SPOP: variants seen among roughly 807,000 people sequenced by gnomAD.
The protein encoded by SPOP is speckle type BTB/POZ protein.
Under a neutral mutation model 45.6 loss-of-function variants are expected in SPOP, and 11 were observed. The ratio of observed to expected loss-of-function variants is 0.24; its 90% CI spans 0.15 to 0.40. The LOEUF (loss-of-function observed/expected upper bound fraction) is 0.40, where lower values mean the gene tolerates loss of function less well. SPOP is among the 10% of genes least tolerant of loss of function. The pLI is 1.00. For synonymous variants in SPOP, 166 were observed against 166.3 expected (o/e 1.00, Z 0.01); for missense variants, 152 against 465.6 (o/e 0.33, Z 6.20).
chr17:49,673,666 G>GA (rs2073165746), intron 1 of SPOP, among the ~76,000 whole-genome samples: 1 of 151,816 alleles, frequency 6.6e-6, no homozygotes, highest in Admixed American at 6.6e-5. Context: ...ACCATTATAC[G>GA]AAAAAAGAAA....
intron 1 of SPOP, among the ~76,000 whole-genome samples, chr17:49,670,139 G>C (rs768467537): frequency 3.3e-5 from 5 of 152,220 alleles, no homozygotes; most frequent in Non-Finnish European, 4.4e-5. Context: ...CTCTGTCATA[G>C]AGTACCTAGG....
intron 8 of SPOP, among the ~76,000 whole-genome samples, chr17:49,605,055 A>C (rs549368913): frequency 1.3e-5 from 2 of 152,136 alleles, no homozygotes; most frequent in Non-Finnish European, 2.9e-5. Flanking sequence ...CACCAACCTA[A>C]TATCTGTTGA....
chr17:49,645,914 CT>C (rs1449515278), intron 1 of SPOP, among the ~76,000 whole-genome samples: 1 of 151,604 alleles, frequency 6.6e-6, no homozygotes, highest in Admixed American at 6.6e-5. Context: ...CCAACAGTTG[CT>C]TTCAACTGCT....
chr17:49,654,668 C>T (rs2072884530), intron 1 of SPOP, among the ~76,000 whole-genome samples: 1 of 152,048 alleles, frequency 6.6e-6, no homozygotes. Flanking sequence ...GCCTGTAGTC[C>T]CAGCTACTCA....
intron 1 of SPOP, among the ~76,000 whole-genome samples, chr17:49,644,067 T>C (rs781130913): frequency 2.7e-5 from 4 of 148,462 alleles, no homozygotes; most frequent in Non-Finnish European, 6.0e-5. Context: ...AAATGCAAAA[T>C]ATTAAAATAC....
chr17:49,631,426 T>C (rs1454447040), intron 1 of SPOP, among the ~76,000 whole-genome samples: 4 of 152,206 alleles, frequency 2.6e-5, no homozygotes, highest in Non-Finnish European at 5.9e-5. Flanking sequence ...TGGGAAGAAG[T>C]CCCACTGTAT....
At chr17:49,630,798 C>T (rs1184181070) in intron 1 of SPOP, among the ~76,000 whole-genome samples, 2 of 152,026 alleles carry the variant, frequency 1.3e-5, no homozygotes, top group Non-Finnish European at 2.9e-5. Flanking sequence ...GGGGGATTAC[C>T]GATACCAAGT....
chr17:49,637,081 T>C (rs2072555349), intron 1 of SPOP, among the ~76,000 whole-genome samples: 1 of 151,992 alleles, frequency 6.6e-6, no homozygotes, highest in African/African-American at 2.4e-5. Context: ...GGCATGGTGG[T>C]GCACGACTGT....
chr17:49,606,111 T>A (rs1034733464), intron 8 of SPOP, among the ~76,000 whole-genome samples: 1 of 152,148 alleles, frequency 6.6e-6, no homozygotes, highest in African/African-American at 2.4e-5. Context: ...ATATAAATGC[T>A]ATGTAAATAG....
At chr17:49,664,845 C>T (rs911791225) in intron 1 of SPOP, among the ~76,000 whole-genome samples, 3 of 152,174 alleles carry the variant, frequency 2.0e-5, no homozygotes, top group Non-Finnish European at 4.4e-5. Context: ...TAAACTCTTG[C>T]GGAAGACCCT....
chr17:49,631,746 T>C (rs144381406), intron 1 of SPOP, among the ~76,000 whole-genome samples: 25 of 152,296 alleles, frequency 1.6e-4, no homozygotes, highest in South Asian at 8.3e-4. Flanking sequence ...CACAAACACA[T>C]TGGGCTCTTT....
At chr17:49,659,295 T>C (rs541404907) in intron 1 of SPOP, among the ~76,000 whole-genome samples, 5 of 152,308 alleles carry the variant, frequency 3.3e-5, no homozygotes, top group South Asian at 4.1e-4. Flanking sequence ...CTCAGTGCAA[T>C]AGACCCAACT....
chr17:49,604,470 T>C (rs1379170577), intron 8 of SPOP, among the ~76,000 whole-genome samples: 1 of 152,206 alleles, frequency 6.6e-6, no homozygotes, highest in South Asian at 2.1e-4. Context: ...ACACAGGCAC[T>C]TTCCTCTGTC....
chr17:49,666,869 T>C (rs998418260), intron 1 of SPOP, among the ~76,000 whole-genome samples: 2 of 152,098 alleles, frequency 1.3e-5, no homozygotes, highest in Non-Finnish European at 2.9e-5. Context: ...TGATAAAAGA[T>C]AAAATTAAGT....
rs923496110 is a variant in SPOP, at chr17:49,599,508, T to G, written c.*870A>C. ...TTTGTTCTGTTTTTGTTTTGTGTGT[T>G]TTTTTTTTTGTTTGTTTTTTAGAAA... is the stretch of plus-strand genomic sequence containing the variant. On this transcript the variant is annotated 3_prime_UTR_variant, in exon 10 of 10. Transcript: ENST00000504102. The G allele has an allele frequency of 2.6e-4, 50 of 195,902 alleles. No homozygotes were observed. The highest frequency in any genetic ancestry group is 1.3e-3 in the East Asian group (17 of 13,086). 12.1% of individuals were successfully genotyped at this position (195,902 alleles called of 1,614,324 possible).
At chr17:49,651,963 G>T (rs1211184620) in intron 1 of SPOP, among the ~76,000 whole-genome samples, 1 of 151,926 alleles carries the variant, frequency 6.6e-6, no homozygotes, top group Non-Finnish European at 1.5e-5. Context: ...AGGTTGCAAT[G>T]AGCCGAAATC....
intron 1 of SPOP, among the ~76,000 whole-genome samples, chr17:49,663,272 C>T (rs1347123742): frequency 6.6e-6 from 1 of 152,202 alleles, no homozygotes; most frequent in African/African-American, 2.4e-5. Flanking sequence ...ATCTAGGTTG[C>T]AAGCTCCTTA....
At chr17:49,634,949 C>G (rs1458213080) in intron 1 of SPOP, among the ~76,000 whole-genome samples, 3 of 152,302 alleles carry the variant, frequency 2.0e-5, no homozygotes, top group Middle Eastern at 3.4e-3. Context: ...CTATTACTAT[C>G]CAGCAGTAAA....
At position 49,644,385 on chromosome 17, in the gene SPOP, T is replaced by C. The variant is rs969754707; in HGVS notation, c.-66-21509A>G. On this transcript the variant is annotated intron_variant, in intron 1 of 9. Transcript: ENST00000504102. ...CAAATAATGACTATAAATACCAAAG[T>C]GTTGGACCCAGTGGGAGAACTCAAA... 2.9e-4 allele frequency among the ~76,000 whole-genome samples: 44 copies of C among 152,078 alleles called. 1 individual carries two copies. Among genetic ancestry groups the C allele is most frequent in the Non-Finnish European group, 1.5e-5 (1 of 68,020 alleles).
Sources: gnomAD v4.1 joint callset for allele counts (sites outside exome capture counted in the v4.1 genomes callset) on GRCh38, gnomAD v4.1.1 for gene constraint, MANE v1.5 for transcripts, NCBI Gene and HGNC (gene_info 2026-07-23, HGNC 2026-07-21) for gene names.